The following DYNC1I1 variants were observed in gnomAD, a reference collection of about 807,000 sequenced individuals.
DYNC1I1 encodes the protein dynein cytoplasmic 1 intermediate chain 1, also known as cytoplasmic dynein 1 intermediate chain 1.
A neutral mutation model predicts 86.6 loss-of-function variants in DYNC1I1; 43 were observed. The observed-to-expected ratio is 0.50, with a 90% confidence interval of 0.39 to 0.64. The LOEUF (loss-of-function observed/expected upper bound fraction) is 0.64, where lower values mean the gene tolerates loss of function less well. Ranked by LOEUF, DYNC1I1 falls within the 30% of genes least tolerant of loss-of-function variation. DYNC1I1 has a pLI of 0.00. For missense variants in DYNC1I1, 604 were observed against 788.8 expected, an observed-to-expected ratio of 0.77 and a Z score of 2.81; for synonymous variants, 262 against 283.7, an observed-to-expected ratio of 0.92 and a Z score of 0.77.
At chr7:96,056,574 T>C (rs1047855648) in intron 14 of DYNC1I1, among the ~76,000 whole-genome samples, 4 of 152,170 alleles carry the variant, frequency 2.6e-5, no homozygotes, top group Non-Finnish European at 4.4e-5. Flanking sequence ...CTACCCAAAA[T>C]ATACTTTTCA....
At chr7:95,805,821 G>C (rs1794689316) in intron 2 of DYNC1I1, among the ~76,000 whole-genome samples, 1 of 152,126 alleles carries the variant, frequency 6.6e-6, no homozygotes, top group Admixed American at 6.6e-5. Flanking sequence ...CAGTTCTTCT[G>C]TAAGGAAAAA....
At chr7:95,906,871 A>G (rs1791190506) in intron 6 of DYNC1I1, among the ~76,000 whole-genome samples, 1 of 152,158 alleles carries the variant, frequency 6.6e-6, no homozygotes, top group South Asian at 2.1e-4. Flanking sequence ...CATTGCTTGC[A>G]AGTGGCTGAT....
chr7:95,930,810 A>G (rs1042647109), intron 6 of DYNC1I1, among the ~76,000 whole-genome samples: 1 of 152,224 alleles, frequency 6.6e-6, no homozygotes, highest in Non-Finnish European at 1.5e-5. Flanking sequence ...TAAAAAGGAA[A>G]CATAACAGGG....
intron 9 of DYNC1I1, among the ~76,000 whole-genome samples, chr7:95,993,607 A>C (rs139869160): frequency 6.6e-6 from 1 of 152,150 alleles, no homozygotes; most frequent in East Asian, 1.9e-4. Flanking sequence ...CATCCGCTGC[A>C]GAGTGTTTTT....
chr7:95,923,075 T>A (rs1420322413), intron 6 of DYNC1I1, among the ~76,000 whole-genome samples: 1 of 152,140 alleles, frequency 6.6e-6, no homozygotes, highest in Non-Finnish European at 1.5e-5. Flanking sequence ...TGTTTTCATA[T>A]CTTTTTTCTT....
chr7:95,938,073 C>G (rs958762519), intron 6 of DYNC1I1, among the ~76,000 whole-genome samples: 4 of 152,124 alleles, frequency 2.6e-5, no homozygotes, highest in African/African-American at 9.7e-5. Context: ...GCGTGCAAAA[C>G]TTGGGGTGCT....
At chr7:95,983,327 A>G (rs1426214052) in intron 7 of DYNC1I1, among the ~76,000 whole-genome samples, 1 of 152,194 alleles carries the variant, frequency 6.6e-6, no homozygotes, top group East Asian at 1.9e-4. Flanking sequence ...TAGGGCTGCT[A>G]GAAACTATGA....
intron 9 of DYNC1I1, among the ~76,000 whole-genome samples, chr7:95,995,249 AAAATAAAT>A (rs71127433): frequency 2.7e-4 from 38 of 143,130 alleles, no homozygotes; most frequent in East Asian, 1.4e-3. Flanking sequence ...TCCATCTCAA[AAAATAAAT>A]AAATAAATAA....
At chr7:95,820,239 T>C (rs1200686439) in intron 4 of DYNC1I1, among the ~76,000 whole-genome samples, 1 of 152,220 alleles carries the variant, frequency 6.6e-6, no homozygotes, top group Admixed American at 6.5e-5. Flanking sequence ...TTGCCAGTCC[T>C]AAGTAAGGAA....
intron 1 of DYNC1I1, among the ~76,000 whole-genome samples, chr7:95,778,971 G>A (rs1204123628): frequency 6.6e-6 from 1 of 152,156 alleles, no homozygotes; most frequent in East Asian, 1.9e-4. Context: ...ACCCCAGCAA[G>A]TTTTTAGATC....
chr7:95,832,767 C>G (rs1243943386), intron 5 of DYNC1I1, among the ~76,000 whole-genome samples: 2 of 152,092 alleles, frequency 1.3e-5, no homozygotes, highest in East Asian at 3.9e-4. Flanking sequence ...TAAATGTCTT[C>G]TTTTGAGAAG....
rs186356466 is a variant in DYNC1I1, at chr7:95,789,666, T to G, written c.-9-15055T>G. On this transcript the variant is annotated intron_variant, in intron 1 of 16. Coordinates refer to ENST00000447467, the MANE Select transcript of DYNC1I1 (RefSeq NM_001135556.2). The stretch of plus-strand genomic sequence containing the variant: ...TAATCAGAGCCTGGTAAGTCTCCTG[T>G]GGTAGTGAACACCTTTCTCTGTTCA... 2.6e-4 allele frequency among the ~76,000 whole-genome samples: 40 copies of G among 152,238 alleles called. 1 individual carries two copies. The highest frequency in any genetic ancestry group is 2.3e-3 in the Admixed American group (35 of 15,284).
At chr7:95,941,561 G>C (rs1584183010) in intron 6 of DYNC1I1, among the ~76,000 whole-genome samples, 1 of 152,222 alleles carries the variant, frequency 6.6e-6, no homozygotes, top group Non-Finnish European at 1.5e-5. Context: ...TCAGACTGCT[G>C]TGCTAGCAAT....
rs1486540291 is a variant in DYNC1I1 at position 96,035,652 on chromosome 7, C to G, written c.1264C>G (p.Pro422Ala). ...GGAGCTGGTGTACAATAAGTCCAAGCCTGTCGCTGTTACCGGAATGGCTTT... is the reference window on the plus strand; with the variant it reads ...GGAGCTGGTGTACAATAAGTCCAAGGCTGTCGCTGTTACCGGAATGGCTTT... The part of the protein sequence containing the change: ...SMELVYNKSK[P>A]VAVTGMAFPT... The change falls in exon 13 of 17, where the codon CCT (proline) becomes GCT (alanine). Residue 422 changes from proline (P) to alanine (A), a missense_variant. Transcript: ENST00000447467. 6.2e-7 allele frequency: 1 copy of G among 1,610,780 alleles called. No homozygotes were observed. Among genetic ancestry groups the G allele is most frequent in the South Asian group, 1.1e-5 (1 of 90,378 alleles).
At chr7:96,054,733 T>C (rs1789518486) in intron 14 of DYNC1I1, among the ~76,000 whole-genome samples, 1 of 152,198 alleles carries the variant, frequency 6.6e-6, no homozygotes, top group Admixed American at 6.5e-5. Flanking sequence ...GATGGTGAGC[T>C]TTTTTTCATG....
intron 1 of DYNC1I1, among the ~76,000 whole-genome samples, chr7:95,785,428 A>G (rs2115678214): frequency 6.6e-6 from 1 of 152,148 alleles, no homozygotes; most frequent in East Asian, 1.9e-4. Context: ...AAACAAACAA[A>G]CAAGCAAAAA....
At chr7:95,923,097 G>T (rs763124044) in intron 6 of DYNC1I1, among the ~76,000 whole-genome samples, 1 of 151,978 alleles carries the variant, frequency 6.6e-6, no homozygotes, top group African/African-American at 2.4e-5. Flanking sequence ...TTGCACAGGG[G>T]ATTGTTCTGA....
At chr7:95,838,648 A>T (rs187658594) in intron 5 of DYNC1I1, among the ~76,000 whole-genome samples, 2 of 152,240 alleles carry the variant, frequency 1.3e-5, no homozygotes, top group East Asian at 1.9e-4. Context: ...TTTTAATAAT[A>T]TTGTTTTGTG....
intron 9 of DYNC1I1, among the ~76,000 whole-genome samples, chr7:95,993,086 C>T (rs1204426722): frequency 1.3e-5 from 2 of 151,980 alleles, no homozygotes; most frequent in African/African-American, 4.8e-5. Flanking sequence ...TAACTTCGAA[C>T]AACACTTAAG....
Sources: allele counts gnomAD v4.1 joint callset (sites outside exome capture counted in the v4.1 genomes callset), GRCh38; gene constraint gnomAD v4.1.1; transcripts MANE v1.5; gene names NCBI Gene and HGNC (gene_info 2026-07-23, HGNC 2026-07-21).